Variants in CCT7 observed in about 807,000 individuals in gnomAD.
CCT7 encodes T-complex protein 1 subunit eta.
A neutral mutation model predicts 56.6 loss-of-function variants in CCT7; 16 were observed. That is an observed-to-expected ratio of 0.28 (90% CI 0.19 to 0.43). The LOEUF is 0.43. CCT7 is among the 20% of genes least tolerant of loss of function. The probability of loss-of-function intolerance (pLI) is 1.00; values close to 1 mark genes in which losing one functional copy is unlikely to be tolerated. For missense variants in CCT7, 519 were observed against 685.6 expected, an observed-to-expected ratio of 0.76 and a Z score of 2.71; for synonymous variants, 262 against 254.8, an observed-to-expected ratio of 1.03 and a Z score of -0.27.
chr2:73,248,371 G>C lies in CCT7; in HGVS notation c.783+445G>C, dbSNP rs566815591. ...GGGGTCTTTTTTTTTTTTCCTTTAAGACGGAGTCTCGCTCTGTTGCCCAGG... is the reference window on the plus strand; with the variant it reads ...GGGGTCTTTTTTTTTTTTCCTTTAACACGGAGTCTCGCTCTGTTGCCCAGG... On this transcript the variant is annotated intron_variant, in intron 7 of 11. Coordinates refer to ENST00000258091, the MANE Select transcript of CCT7 (RefSeq NM_006429.4). Among the ~76,000 whole-genome samples, 326 of 150,442 alleles carry C rather than the reference G, an allele frequency of 2.2e-3. 1 individual carries two copies. Among genetic ancestry groups the C allele is most frequent in the African/African-American group, 7.8e-3 (316 of 40,696 alleles).
intron 3 of CCT7, among the ~76,000 whole-genome samples, chr2:73,240,767 G>A (rs1687071849): frequency 6.6e-6 from 1 of 152,122 alleles, no homozygotes; most frequent in African/African-American, 2.4e-5. Context: ...ACAGTCTTTA[G>A]ATATAAGTCT....
chr2:73,246,263 C>T (rs535248643), intron 6 of CCT7, among the ~76,000 whole-genome samples: 12 of 152,332 alleles, frequency 7.9e-5, no homozygotes, highest in Admixed American at 3.3e-4. Flanking sequence ...TGCTGTTAAA[C>T]GCTTTATCTT....
intron 3 of CCT7, among the ~76,000 whole-genome samples, chr2:73,242,140 G>A (rs567611446): frequency 8.5e-4 from 128 of 150,832 alleles, no homozygotes; most frequent in African/African-American, 2.8e-3. Flanking sequence ...TTTAACTCCT[G>A]GCCAGATGCA....
At chr2:73,240,342 C>T in intron 2 of CCT7, 95 bp from the exon 3 acceptor site, 1 of 773,456 alleles carries the variant, frequency 1.3e-6, no homozygotes. Context: ...GTGATCCCCT[C>T]TGCCCCATCC....
At position 73,251,297 on chromosome 2, in the gene CCT7, G is replaced by C; in HGVS notation, c.1275G>C (p.Arg425Ser). The C allele has an allele frequency of 6.2e-7, 1 of 1,614,198 alleles. No individual in the cohort carries two copies. The highest frequency in any genetic ancestry group is 8.5e-7 in the Non-Finnish European group (1 of 1,180,018). The change falls in exon 11 of 12, where the codon AGG becomes AGC. Residue 425 changes from arginine to serine, a missense_variant. This residue lies in a region of CCT7 where 237 missense variants were observed against 300.8 expected (regional missense o/e 0.79). Coordinates refer to ENST00000258091, the MANE Select transcript of CCT7 (RefSeq NM_006429.4). ...CCAAGTACCTGCGGGATTACTCAAG[G>C]ACTATTCCAGGAAAACAGCAGCTGT... ...ELSKYLRDYSRTIPGKQQLLI... is the reference protein window; with the variant it reads ...ELSKYLRDYSSTIPGKQQLLI...
At chr2:73,244,102 G>A (rs907187574) in intron 5 of CCT7, 53 bp downstream of exon 5, 1 of 1,523,112 alleles carries the variant, frequency 6.6e-7, no homozygotes, top group Non-Finnish European at 8.9e-7. Context: ...GAGCCTTGCT[G>A]TATTGCCCAG....
intron 8 of CCT7, among the ~76,000 whole-genome samples, 169 bp from the exon 9 acceptor site, chr2:73,249,650 T>G (rs980352143): frequency 1.3e-5 from 2 of 152,298 alleles, no homozygotes; most frequent in Non-Finnish European, 2.9e-5. Context: ...ATTTTGTTTT[T>G]TTTTTGCTCT....
intron 8 of CCT7, among the ~76,000 whole-genome samples, chr2:73,249,551 C>G (rs958463061): frequency 9.9e-5 from 15 of 152,176 alleles, no homozygotes; most frequent in Non-Finnish European, 5.9e-5. Context: ...CAGTGCCACC[C>G]TAGTTTAGGG....
Position 73,250,047 on chromosome 2 carries a change from C to T in CCT7, c.1070+131C>T. 7.9e-6 allele frequency: 6 copies of T among 755,532 alleles called. No homozygotes were observed. In the South Asian group the frequency reaches 9.5e-5, roughly 12 times the overall value. 46.8% of individuals were successfully genotyped at this position (755,532 alleles called of 1,614,324 possible). A position where few individuals can be genotyped will look rare whatever the true frequency, so the allele number is the denominator to read the frequency against. On this transcript the variant is annotated intron_variant, in intron 9 of 11. Coordinates refer to ENST00000258091, the MANE Select transcript of CCT7 (RefSeq NM_006429.4). ...AAGTGGTATACAGCTTTTACAGAGT[C>T]TCACCTTTGAGCCATAAAGAGCTCA...
intron 3 of CCT7, 52 bp from the exon 4 acceptor site, chr2:73,242,952 G>A (rs1030824068): frequency 2.5e-6 from 4 of 1,610,956 alleles, no homozygotes; most frequent in African/African-American, 2.7e-5. Flanking sequence ...GAGTTTCAGG[G>A]CTTTATTCCC....
In CCT7 at chr2:73,249,932, A is replaced by T. The variant is rs1369891088; in HGVS notation, c.1070+16A>T. 4 of 1,570,358 alleles carry T rather than the reference A, an allele frequency of 2.5e-6. No homozygotes were observed. Among genetic ancestry groups the T allele is most frequent in the Admixed American group, 1.7e-5 (1 of 59,962 alleles). The stretch of plus-strand genomic sequence containing the variant: ...GAGGCGAGAGGTGAGCCGTGGGCCC[A>T]GGCCGAGCTCACAAACCTGCCTGGG... On this transcript the variant is annotated intron_variant, in intron 9 of 11. Transcript: ENST00000258091.
Position 73,244,042 on chromosome 2 carries a change from G to A in CCT7, c.439G>A (p.Asp147Asn). 6.2e-7 allele frequency: 1 copy of A among 1,608,562 alleles called. No individual in the cohort carries two copies. The highest frequency in any genetic ancestry group is 8.5e-7 in the Non-Finnish European group (1 of 1,176,802). Residue 147 changes from aspartate (D) to asparagine (N), a missense_variant, in exon 5 of 12, where the codon GAT (aspartate) becomes AAT (asparagine). By Grantham distance (23) the Asp-to-Asn change is conservative (BLOSUM62 1). Around this residue, in one of 3 missense-constraint regions of CCT7, gnomAD observed 276 missense variants for 357.3 expected, o/e 0.77. Transcript: ENST00000258091. ...KEIAVTVKKA[D>N]KVEQRKLLEK... is the part of the protein sequence containing the mutation. ...GATTGCTGTGACCGTGAAGAAGGCA[G>A]ATAAAGTGTAAGTCTGTAGTGGGTT...
intron 10 of CCT7, 59 bp downstream of exon 10, chr2:73,250,497 T>C: frequency 6.3e-7 from 1 of 1,595,200 alleles, no homozygotes; most frequent in Non-Finnish European, 8.6e-7. Context: ...CCCTAGCTGA[T>C]CAGACCTTGG....
intron 6 of CCT7, among the ~76,000 whole-genome samples, chr2:73,247,525 C>T (rs772584178): frequency 3.3e-5 from 5 of 151,406 alleles, no homozygotes; most frequent in Non-Finnish European, 5.9e-5. Flanking sequence ...CTCTGCTAAC[C>T]AGATGATTTT....
At chr2:73,241,153 C>T (rs1432063140) in intron 3 of CCT7, among the ~76,000 whole-genome samples, 1 of 151,186 alleles carries the variant, frequency 6.6e-6, no homozygotes, top group Non-Finnish European at 1.5e-5. Context: ...AATTCTAACA[C>T]TGGAGTATTA....
intron 5 of CCT7, 104 bp downstream of exon 5, chr2:73,244,153 G>T: frequency 1.8e-6 from 2 of 1,111,466 alleles, no homozygotes; most frequent in Non-Finnish European, 2.6e-6. Context: ...TCCCACCTGC[G>T]ACTCCCAAAG....
chr2:73,240,076 T>C, intron 2 of CCT7: 1 of 375,480 alleles, frequency 2.7e-6, no homozygotes, highest in Non-Finnish European at 4.7e-6. Context: ...ACTTCCATTG[T>C]TATCAAGATG....
chr2:73,252,318 T>G (rs1446445170), intron 11 of CCT7, among the ~76,000 whole-genome samples: 1 of 133,582 alleles, frequency 7.5e-6, no homozygotes. Context: ...TGAGAACTCA[T>G]TGTTTGATAT....
intron 6 of CCT7, among the ~76,000 whole-genome samples, chr2:73,247,450 C>T (rs1390171758): frequency 6.6e-6 from 1 of 152,122 alleles, no homozygotes; most frequent in East Asian, 1.9e-4. Context: ...ACAGCATTAT[C>T]CATCGGCCAG....
Sources: allele counts gnomAD v4.1 joint callset (sites outside exome capture counted in the v4.1 genomes callset), GRCh38; gene constraint gnomAD v4.1.1; regional missense constraint gnomAD v4.1.1; transcripts MANE v1.5; gene names NCBI Gene and HGNC (gene_info 2026-07-23, HGNC 2026-07-21).